FOXP1: variants seen among roughly 807,000 people sequenced by gnomAD.
FOXP1 encodes forkhead box protein P1.
In FOXP1, 15 loss-of-function variants were observed where a neutral mutation model predicts 98.2. The ratio of observed to expected loss-of-function variants is 0.15; its 90% confidence interval spans 0.10 to 0.24. The LOEUF (loss-of-function observed/expected upper bound fraction) is 0.24. Among genes scored for constraint, FOXP1 ranks in the 10% least tolerant of loss-of-function variants. The pLI is 1.00. For synonymous variants in FOXP1, 371 were observed against 314.5 expected (o/e 1.18, Z -1.90); for missense variants, 633 against 848.5 (o/e 0.75, Z 3.15).
intron 2 of FOXP1, among the ~76,000 whole-genome samples, chr3:71,529,662 C>T (rs987016667): frequency 5.3e-5 from 8 of 152,170 alleles, no homozygotes; most frequent in East Asian, 1.9e-4. Flanking sequence ...GCCTACATAA[C>T]GAAGCCTCCA....
intron 8 of FOXP1, among the ~76,000 whole-genome samples, chr3:71,052,906 T>G (rs2050104922): frequency 6.6e-6 from 1 of 152,208 alleles, no homozygotes; most frequent in South Asian, 2.1e-4. Context: ...ACAACAAAGC[T>G]GAAATGCCCT....
At chr3:71,032,001 G>A (rs185933903) in intron 11 of FOXP1, among the ~76,000 whole-genome samples, 5 of 152,326 alleles carry the variant, frequency 3.3e-5, no homozygotes, top group Admixed American at 1.3e-4. Context: ...GGCTATTTTC[G>A]CATCTCTTCT....
chr3:71,015,668 A>T lies in FOXP1; in HGVS notation c.870-15T>A. 6.5e-7 allele frequency: 1 copy of T among 1,539,410 alleles called. No homozygotes were observed. The highest frequency in any genetic ancestry group is 9.0e-7 in the Non-Finnish European group (1 of 1,112,326). On this transcript the variant is annotated splice_polypyrimidine_tract_variant and intron_variant, in intron 11 of 20. Transcript: ENST00000649528. ...CATGGGACAAACTGAAAGAAAACACACAGAAGACCAGAGAATGAATTTGCT... is the reference window on the plus strand; with the variant it reads ...CATGGGACAAACTGAAAGAAAACACTCAGAAGACCAGAGAATGAATTTGCT...
chr3:71,009,017 C>A (rs1365333472), intron 12 of FOXP1, among the ~76,000 whole-genome samples: 1 of 151,846 alleles, frequency 6.6e-6, no homozygotes, highest in Non-Finnish European at 1.5e-5. Flanking sequence ...GCTTATTAAT[C>A]TGGAGCTGCA....
At chr3:71,085,743 T>TTTTTTTTTTTTTTTTTTTTTTTTTTC in intron 7 of FOXP1, among the ~76,000 whole-genome samples, 1 of 117,988 alleles carries the variant, frequency 8.5e-6, no homozygotes, top group Non-Finnish European at 1.8e-5. Context: ...GCCTTTTTTT[T>TTTTTTTTTTTTTTTTTTTTTTTTTTC]TTTTTTACAT....
chr3:71,377,837 T>C (rs1173865894), intron 3 of FOXP1, among the ~76,000 whole-genome samples: 3 of 152,216 alleles, frequency 2.0e-5, no homozygotes, highest in African/African-American at 7.2e-5. Flanking sequence ...CTATGAATGC[T>C]ATGCACAAAT....
chr3:71,344,998 C>T (rs908105130), intron 4 of FOXP1, among the ~76,000 whole-genome samples: 1 of 152,128 alleles, frequency 6.6e-6, no homozygotes, highest in African/African-American at 2.4e-5. Flanking sequence ...TATCAACTAA[C>T]TAGTTTATAA....
chr3:71,248,038 A>G (rs954279139), intron 5 of FOXP1, among the ~76,000 whole-genome samples: 5 of 152,218 alleles, frequency 3.3e-5, no homozygotes, highest in Non-Finnish European at 5.9e-5. Context: ...GCACAATAGC[A>G]AGACAGATTC....
chr3:70,970,493 T>C (rs2035978928), intron 19 of FOXP1: 1 of 516,648 alleles, frequency 1.9e-6, no homozygotes, highest in Non-Finnish European at 3.5e-6. Flanking sequence ...ATGATACTGC[T>C]GATAAATATT....
chr3:71,315,112 GAAAGAAAAAGA>G (rs2074993404), intron 4 of FOXP1, among the ~76,000 whole-genome samples: 1 of 95,634 alleles, frequency 1.0e-5, no homozygotes, highest in Non-Finnish European at 2.1e-5. Context: ...AAAAAAGAAA[GAAAGAAAAAGA>G]AAAGAAAAAG....
intron 2 of FOXP1, among the ~76,000 whole-genome samples, chr3:71,545,085 T>TGGTC (rs1238512167): frequency 6.8e-6 from 1 of 146,222 alleles, no homozygotes; most frequent in Non-Finnish European, 1.5e-5. Context: ...GGACCATGGG[T>TGGTC]GGTAAAACAA....
At chr3:71,357,181 C>T (rs931441530) in intron 4 of FOXP1, among the ~76,000 whole-genome samples, 14 of 152,034 alleles carry the variant, frequency 9.2e-5, no homozygotes, top group African/African-American at 2.9e-4. Context: ...CCACTAAGAC[C>T]TCATGCTAGT....
chr3:71,160,515 A>G (rs564442786), intron 6 of FOXP1, among the ~76,000 whole-genome samples: 3 of 152,316 alleles, frequency 2.0e-5, no homozygotes, highest in African/African-American at 7.2e-5. Context: ...GTGAAAACAG[A>G]TATTTCCACT....
intron 3 of FOXP1, among the ~76,000 whole-genome samples, chr3:71,450,305 A>T (rs1389759661): frequency 6.6e-6 from 1 of 152,236 alleles, no homozygotes; most frequent in Non-Finnish European, 1.5e-5. Context: ...TTCACCTGCT[A>T]TCAGAACAGA....
rs542354235 is a variant in FOXP1 at position 71,504,325 on chromosome 3, C to T, written c.-297-10770G>A. Among the ~76,000 whole-genome samples, 12 of 152,202 alleles carry T rather than the reference C, an allele frequency of 7.9e-5. No individual in the cohort carries two copies. In the South Asian group the frequency reaches 8.3e-4, roughly 11 times the overall value. On this transcript the variant is annotated intron_variant, in intron 2 of 20. Transcript: ENST00000649528. The stretch of plus-strand genomic sequence containing the variant: ...GAAACGAAATTTCAGATTAATATGA[C>T]GTTGGCCAGTGACTAGTCATCAAGC...
At chr3:71,183,879 G>T (rs938497075) in intron 6 of FOXP1, among the ~76,000 whole-genome samples, 1 of 152,088 alleles carries the variant, frequency 6.6e-6, no homozygotes, top group African/African-American at 2.4e-5. Flanking sequence ...AGCGCCTGGC[G>T]TGGTGGCTCA....
intron 5 of FOXP1, among the ~76,000 whole-genome samples, chr3:71,235,065 G>A (rs2066658622): frequency 6.6e-6 from 1 of 152,010 alleles, no homozygotes; most frequent in Non-Finnish European, 1.5e-5. Flanking sequence ...TGCTTTTAAT[G>A]GACAATGTGA....
intron 19 of FOXP1, among the ~76,000 whole-genome samples, chr3:70,967,687 G>GTTTTTTTTTTTGTT (rs2035151049): frequency 9.8e-5 from 6 of 61,358 alleles, no homozygotes; most frequent in African/African-American, 2.9e-4. Context: ...ACTATTATTT[G>GTTTTTTTTTTTGTT]TTTTTTTTTT....
intron 3 of FOXP1, among the ~76,000 whole-genome samples, chr3:71,430,938 C>T (rs1212522703): frequency 2.0e-5 from 3 of 152,140 alleles, no homozygotes; most frequent in Admixed American, 2.0e-4. Flanking sequence ...AAATATGGCA[C>T]CTGTACCAAT....
Sources: gnomAD v4.1 joint callset for allele counts (sites outside exome capture counted in the v4.1 genomes callset) on GRCh38, gnomAD v4.1.1 for gene constraint, MANE v1.5 for transcripts, NCBI Gene and HGNC (gene_info 2026-07-23, HGNC 2026-07-21) for gene names.